Variants in SSC5D observed in about 807,000 individuals in gnomAD.
The protein encoded by SSC5D is soluble scavenger receptor cysteine-rich domain-containing protein SSC5D.
In SSC5D, 106 loss-of-function variants were observed where a neutral mutation model predicts 104.6. That is an observed-to-expected ratio of 1.01 (90% CI 0.87 to 1.19). The LOEUF (loss-of-function observed/expected upper bound fraction) is 1.19, where lower values mean the gene tolerates loss of function less well. SSC5D is among the 50% of genes most tolerant of loss of function. The probability of loss-of-function intolerance (pLI) is 0.00; values close to 1 mark genes in which losing one functional copy is unlikely to be tolerated. For synonymous variants in SSC5D, 860 were observed against 883.5 expected (o/e 0.97, Z 0.47); for missense variants, 1,993 against 2,153.8 (o/e 0.93, Z 1.48).
Position 55,501,878 on chromosome 19 carries a change from A to C in SSC5D, c.2785+677A>C, listed in dbSNP as rs138648031. 3.9e-3 allele frequency among the ~76,000 whole-genome samples: 586 copies of C among 151,604 alleles called. 6 individuals are homozygous for C. The highest frequency in any genetic ancestry group is 0.014 in the African/African-American group (564 of 41,276). On this transcript the variant is annotated intron_variant, in intron 12 of 13. Coordinates refer to ENST00000389623, the MANE Select transcript of SSC5D (RefSeq NM_001144950.2). The stretch of plus-strand genomic sequence containing the variant: ...GAATCCATCTCTGCTCCTGTTTCTC[A>C]CTTGCTGTTGGTCTCTTTTTTTCAT...
At position 55,490,814 on chromosome 19, in the gene SSC5D, G is replaced by C; in HGVS notation, c.629G>C (p.Arg210Pro). Residue 210 changes from arginine to proline, a missense_variant, in exon 6 of 14, where the codon CGC becomes CCC. By Grantham distance (103) the Arg-to-Pro change is moderately radical. This residue lies in a region of SSC5D where 1,101 missense variants were observed against 1,085.0 expected (regional missense o/e 1.01). Transcript: ENST00000389623. ...TCTGGCCCCCACAGGTGCGCCGGACGCCTGGAGGTCTGGCACGGCGGGCGC... is the reference window on the plus strand; with the variant it reads ...TCTGGCCCCCACAGGTGCGCCGGACCCCTGGAGGTCTGGCACGGCGGGCGC... The part of the protein sequence containing the change: ...LVSGPHRCAG[R>P]LEVWHGGRWG... 6.5e-7 allele frequency: 1 copy of C among 1,546,246 alleles called. No individual in the cohort carries two copies. Among genetic ancestry groups the C allele is most frequent in the Non-Finnish European group, 8.7e-7 (1 of 1,145,470 alleles).
In SSC5D at chr19:55,512,606, C is replaced by A. The variant is rs538578956; in HGVS notation, c.2786-405C>A. ...AAGTGATTCTCCTGTCTCAGCCTCC[C>A]GAGTAGCTGGGATTATAGGCGTGTG... On this transcript the variant is annotated intron_variant, in intron 12 of 13. Coordinates refer to ENST00000389623, the MANE Select transcript of SSC5D (RefSeq NM_001144950.2). 1.3e-4 allele frequency among the ~76,000 whole-genome samples: 20 copies of A among 151,978 alleles called. No homozygotes were observed. In the South Asian group the frequency reaches 3.5e-3, roughly 27 times the overall value.
Position 55,498,029 on chromosome 19 carries a change from C to G in SSC5D, c.1537C>G (p.Pro513Ala). ...VVCRELGCGG[P>A]QQPDPAAGRF... is the part of the protein sequence containing the mutation. Reference sequence around the variant, plus strand: ...CTGCCGGGAGCTGGGCTGTGGTGGACCTCAGCAGCCAGACCCTGCTGCTGG... The same window carrying G: ...CTGCCGGGAGCTGGGCTGTGGTGGAGCTCAGCAGCCAGACCCTGCTGCTGG... Residue 513 changes from proline (P) to alanine (A), a missense_variant, in exon 9 of 14, where the codon CCT becomes GCT. Coordinates refer to ENST00000389623, the MANE Select transcript of SSC5D (RefSeq NM_001144950.2). 6.4e-7 allele frequency: 1 copy of G among 1,551,722 alleles called. No individual in the cohort carries two copies. The highest frequency in any genetic ancestry group is 1.4e-5 in the African/African-American group (1 of 73,166).
intron 8 of SSC5D, among the ~76,000 whole-genome samples, chr19:55,496,216 C>T (rs955471682): frequency 6.6e-6 from 1 of 152,062 alleles, no homozygotes; most frequent in African/African-American, 2.4e-5. Flanking sequence ...TGCAGAATGG[C>T]CCAGGGTGTG....
At chr19:55,510,439 C>T (rs1182752347) in intron 12 of SSC5D, among the ~76,000 whole-genome samples, 6 of 152,238 alleles carry the variant, frequency 3.9e-5, no homozygotes, top group Non-Finnish European at 8.8e-5. Context: ...ACTTCCGCCT[C>T]CCAGGTTCAA....
Position 55,499,969 on chromosome 19 carries a change from C to A in SSC5D, c.1859C>A (p.Ala620Asp), listed in dbSNP as rs375010188. The change falls in exon 10 of 14, where the codon GCC becomes GAC. Residue 620 changes from alanine (A) to aspartate (D), a missense_variant. Physicochemically the swap from Ala to Asp is moderately radical, Grantham distance 126. Transcript: ENST00000389623. Reference sequence around the variant, plus strand: ...GTTCTGGAGAAAACAACCACGAAGGCCCCAGGGAAAATGCCTAAGAGTACT... The same window carrying A: ...GTTCTGGAGAAAACAACCACGAAGGACCCAGGGAAAATGCCTAAGAGTACT... ...ASVLEKTTTK[A>D]PGKMPKSTKK... 6.4e-7 allele frequency: 1 copy of A among 1,551,764 alleles called. No individual in the cohort carries two copies. Among genetic ancestry groups the A allele is most frequent in the African/African-American group, 1.4e-5 (1 of 72,976 alleles).
At chr19:55,504,978 G>C (rs893403827) in intron 12 of SSC5D, among the ~76,000 whole-genome samples, 1 of 152,124 alleles carries the variant, frequency 6.6e-6, no homozygotes, top group Non-Finnish European at 1.5e-5. Context: ...TAGGAGCCAC[G>C]ATTATAACCT....
rs1987926328 is a variant in SSC5D, at chr19:55,518,139, ACCCCACCACAACCCC to A, written c.3864_3878del (p.Pro1289_Pro1293del). 7.5e-7 allele frequency: 1 copy of A among 1,341,344 alleles called. No individual in the cohort carries two copies. The highest frequency in any genetic ancestry group is 2.0e-5 in the African/African-American group (1 of 49,638). The allele number at this position is 1,341,344 out of a possible 1,614,324, so 83.1% of individuals were successfully genotyped here. On this transcript the variant is annotated inframe_deletion, in exon 14 of 14. Transcript: ENST00000389623. ...ACCCCTCACCCCACCACGACTCCTCACCCCACCACAACCCCTCACCCCACCACAACCCCTCACCCC... is the reference window on the plus strand; with the variant it reads ...ACCCCTCACCCCACCACGACTCCTCATCACCCCACCACAACCCCTCACCCC...
At chr19:55,495,238 T>A (rs1252817047) in intron 8 of SSC5D, among the ~76,000 whole-genome samples, 2,797 of 61,130 alleles carry the variant, frequency 0.046, 202 homozygotes, top group African/African-American at 0.086. Flanking sequence ...TATATATTTT[T>A]TTTTTTTTTT....
chr19:55,502,958 G>A (rs1362231802), intron 12 of SSC5D, among the ~76,000 whole-genome samples: 1 of 152,182 alleles, frequency 6.6e-6, no homozygotes, highest in Admixed American at 6.5e-5. Flanking sequence ...TGGGATTACA[G>A]GCGTGTGCCA....
At chr19:55,493,994 G>GGCCCCCCCCCCCCCCCC in intron 7 of SSC5D, 82 bp downstream of exon 7, 1 of 143,312 alleles carries the variant, frequency 7.0e-6, no homozygotes, top group Non-Finnish European at 1.4e-5. Context: ...GGGCGGGGGG[G>GGCCCCCCCCCCCCCCCC]TCCCTACGCG....
At chr19:55,490,234 G>A in intron 4 of SSC5D, 64 bp from the exon 5 acceptor site, 2 of 664,046 alleles carry the variant, frequency 3.0e-6, no homozygotes, top group Non-Finnish European at 5.5e-6. Flanking sequence ...CGGAGGCCTG[G>A]GCCCCCAGGT....
chr19:55,501,092 C>G lies in SSC5D; in HGVS notation c.2676C>G (p.Asp892Glu), dbSNP rs764819428. 2 of 1,551,802 alleles carry G rather than the reference C, an allele frequency of 1.3e-6. No homozygotes were observed. Among genetic ancestry groups the G allele is most frequent in the Non-Finnish European group, 1.7e-6 (2 of 1,146,990 alleles). The change falls in exon 12 of 14, where the codon GAC (aspartate) becomes GAG (glutamate). Residue 892 changes from aspartate (D) to glutamate (E), a missense_variant. Physicochemically the swap from Asp to Glu is conservative, Grantham distance 45. Transcript: ENST00000389623. The stretch of plus-strand genomic sequence containing the variant: ...CCTGGGACCCCACCTCAAGAGAGGA[C>G]CTGGCCAAGGGGACTACCACAGCGG... ...PWTWDPTSRE[D>E]LAKGTTTAGV...
rs1249249679 is a variant in SSC5D at position 55,500,837 on chromosome 19, CG to C, written c.2617+38del. On this transcript the variant is annotated intron_variant, in intron 11 of 13. Transcript: ENST00000389623. The surrounding 1 kb of genome is among the most constrained non-coding windows in gnomAD (Gnocchi z 4.6). The stretch of plus-strand genomic sequence containing the variant: ...GGCATGGCGGCGGTGGTGGGGTTGT[CG>C]GGGGTGGCCAGGAGAATGGAGTCAG... 7.6e-7 allele frequency: 1 copy of C among 1,311,864 alleles called. No individual in the cohort carries two copies. Among genetic ancestry groups the C allele is most frequent in the South Asian group, 1.3e-5 (1 of 77,346 alleles). The allele number at this position is 1,311,864 out of a possible 1,614,324, so 81.3% of individuals were successfully genotyped here.
Position 55,489,065 on chromosome 19 carries a change from C to T in SSC5D, c.52+33C>T, listed in dbSNP as rs79231493. ...CCCAGACTCCTCCCATCTGCCCGCC[C>T]CCCCCCCCAGGCCTCCCCCTTCTGC... On this transcript the variant is annotated intron_variant, in intron 2 of 13. Coordinates refer to ENST00000389623, the MANE Select transcript of SSC5D (RefSeq NM_001144950.2). 238 of 864,554 alleles carry T rather than the reference C, an allele frequency of 2.8e-4. 3 individuals are homozygous for T. In the African/African-American group the frequency reaches 5.8e-3, roughly 21 times the overall value. 53.6% of individuals were successfully genotyped at this position (864,554 alleles called of 1,614,324 possible). A position where few individuals can be genotyped will look rare whatever the true frequency, so the allele number is the denominator to read the frequency against.
chr19:55,509,902 C>T (rs1385260760), intron 12 of SSC5D, among the ~76,000 whole-genome samples: 3 of 147,234 alleles, frequency 2.0e-5, no homozygotes, highest in Non-Finnish European at 3.0e-5. Flanking sequence ...GAAAGAAATA[C>T]GCGTATGAGA....
At chr19:55,504,416 C>A in intron 12 of SSC5D, 1 of 1,127,336 alleles carries the variant, frequency 8.9e-7, no homozygotes, top group Non-Finnish European at 1.2e-6. Flanking sequence ...ACGAGGCAGG[C>A]ATGCATTCTT....
intron 6 of SSC5D, among the ~76,000 whole-genome samples, 164 bp from the exon 7 acceptor site, chr19:55,493,431 G>T (rs114287967): frequency 6.6e-6 from 1 of 152,202 alleles, no homozygotes; most frequent in African/African-American, 2.4e-5. Context: ...GTTGGACTCC[G>T]GGCCAGTGAC....
At chr19:55,494,924 G>GTGTC in intron 8 of SSC5D, 141 bp downstream of exon 8, 2 of 1,008,536 alleles carry the variant, frequency 2.0e-6, no homozygotes, top group Non-Finnish European at 2.8e-6. Context: ...AGGACACTGA[G>GTGTC]CTGGGTTCAA....
Sources: gnomAD v4.1 joint callset for allele counts (sites outside exome capture counted in the v4.1 genomes callset) on GRCh38, gnomAD v4.1.1 for gene constraint, gnomAD v4.1.1 regional missense constraint, Gnocchi (gnomAD v3.1) non-coding constraint, MANE v1.5 for transcripts, NCBI Gene and HGNC (gene_info 2026-07-23, HGNC 2026-07-21) for gene names.